Variants in TERT observed in about 807,000 individuals in gnomAD.
TERT encodes telomerase reverse transcriptase.
Under a neutral mutation model 104.0 loss-of-function variants are expected in TERT, and 42 were observed. That is an observed-to-expected ratio of 0.40 (90% CI 0.32 to 0.52). The LOEUF is 0.52. TERT is among the 20% of genes least tolerant of loss of function. The pLI is 0.43. For synonymous variants in TERT, 781 were observed against 725.6 expected (o/e 1.08, Z -1.23); for missense variants, 1,101 against 1,610.3 (o/e 0.68, Z 5.41).
At position 1,285,917 on chromosome 5, in the gene TERT, G is replaced by A. The variant is rs112290073; in HGVS notation, c.1574-3293C>T. On this transcript the variant is annotated intron_variant, in intron 2 of 15. Transcript: ENST00000310581. The stretch of plus-strand genomic sequence containing the variant: ...GGCTCACGTCATGCTCCTGTTGGGC[G>A]ACAACGGCTCGGAGCCTCATCCTTT... Among the ~76,000 whole-genome samples the A allele has an allele frequency of 7.9e-3, 1,194 of 152,022 alleles. 9 individuals are homozygous for A. The highest frequency in any genetic ancestry group is 0.014 in the Middle Eastern group (4 of 294).
chr5:1,271,103 T>C lies in TERT; in HGVS notation c.2468+16A>G, dbSNP rs765076864. On this transcript the variant is annotated intron_variant, in intron 8 of 15. Coordinates refer to ENST00000310581, the MANE Select transcript of TERT (RefSeq NM_198253.3). ...CAGCCACCCGCAGGGCAATGGCACC[T>C]GGCCACCTGACTCACTTGCCCCTGA... 3.1e-6 allele frequency: 5 copies of C among 1,610,578 alleles called. No individual in the cohort carries two copies. In the African/African-American group the frequency reaches 6.7e-5, roughly 22 times the overall value.
Position 1,293,934 on chromosome 5 carries a change from C to A in TERT, c.952G>T (p.Asp318Tyr), listed in dbSNP as rs1272682886. The A allele has an allele frequency of 6.5e-7, 1 of 1,544,478 alleles. No homozygotes were observed. Among genetic ancestry groups the A allele is most frequent in the Non-Finnish European group, 8.7e-7 (1 of 1,148,020 alleles). The change falls in exon 2 of 16, where the codon GAC becomes TAC. Residue 318 changes from aspartate to tyrosine, a missense_variant. By Grantham distance (160) the Asp-to-Tyr change is radical. This residue lies in a region of TERT where 504 missense variants were observed against 544.6 expected (regional missense o/e 0.93). Coordinates refer to ENST00000310581, the MANE Select transcript of TERT (RefSeq NM_198253.3). ...PSTSRPPRPW[D>Y]TPCPPVYAET... ...GCGTACACCGGGGGACAAGGCGTGTCCCAGGGACGTGGTGGCCGCGATGTG... is the reference window on the plus strand; with the variant it reads ...GCGTACACCGGGGGACAAGGCGTGTACCAGGGACGTGGTGGCCGCGATGTG...
intron 11 of TERT, 91 bp downstream of exon 11, chr5:1,264,313 C>T: frequency 2.9e-6 from 4 of 1,392,310 alleles, no homozygotes; most frequent in Non-Finnish European, 3.9e-6. Context: ...CAGTCGCCTG[C>T]CCCACACGGA....
At chr5:1,272,619 CCACGACCGCCAT>C in intron 6 of TERT, among the ~76,000 whole-genome samples, 2 of 32,714 alleles carry the variant, frequency 6.1e-5, no homozygotes, top group African/African-American at 4.6e-4. Context: ...ACATCAGACC[CCACGACCGCCAT>C]CCACAGTCAC....
At position 1,262,552 on chromosome 5, in the gene TERT, G is replaced by A. The variant is rs34653167; in HGVS notation, c.2843+1852C>T. ...GATGTGAGTTCACCCTGAGTATGGC[G>A]AACCACTGCCTCCACTGCTGAGCTT... On this transcript the variant is annotated intron_variant, in intron 11 of 15. Transcript: ENST00000310581. The surrounding 1 kb of genome is among the most constrained non-coding windows in gnomAD (Gnocchi z 5.6). 4.9e-3 allele frequency among the ~76,000 whole-genome samples: 746 copies of A among 152,258 alleles called. 5 individuals carry two copies. The highest frequency in any genetic ancestry group is 0.017 in the African/African-American group (714 of 41,536).
rs1747698824 is a variant in TERT at position 1,255,924 on chromosome 5, T to C, written c.3033-513A>G. ...GATGGTGTGAGGACCCATCATCTCATCTCACTGACACCGAGACACCGACTT... is the reference window on the plus strand; with the variant it reads ...GATGGTGTGAGGACCCATCATCTCACCTCACTGACACCGAGACACCGACTT... On this transcript the variant is annotated intron_variant, in intron 13 of 15. Coordinates refer to ENST00000310581, the MANE Select transcript of TERT (RefSeq NM_198253.3). The surrounding 1 kb of genome is among the most constrained non-coding windows in gnomAD (Gnocchi z 6.9). Among the ~76,000 whole-genome samples, 3 of 152,102 alleles carry C rather than the reference T, an allele frequency of 2.0e-5. No individual in the cohort carries two copies. Among genetic ancestry groups the C allele is most frequent in the Admixed American group, 2.0e-4 (3 of 15,280 alleles).
At chr5:1,284,021 G>A (rs563711355) in intron 2 of TERT, among the ~76,000 whole-genome samples, 76 of 139,120 alleles carry the variant, frequency 5.5e-4, no homozygotes, top group Non-Finnish European at 9.9e-4. Flanking sequence ...AGGGCCTGGC[G>A]ACCTCACCCC....
intron 6 of TERT, among the ~76,000 whole-genome samples, 155 bp downstream of exon 6, chr5:1,278,483 GCAC>G (rs369910369): frequency 4.5e-4 from 69 of 151,666 alleles, no homozygotes; most frequent in Middle Eastern, 3.4e-3. Context: ...ACAGATACAT[GCAC>G]CACGACACAC....
Position 1,286,757 on chromosome 5 carries a change from A to T in TERT, c.1574-4133T>A, listed in dbSNP as rs1468447954. Among the ~76,000 whole-genome samples the T allele has an allele frequency of 1.3e-5, 2 of 152,130 alleles. No individual in the cohort carries two copies. The highest frequency in any genetic ancestry group is 2.9e-5 in the Non-Finnish European group (2 of 68,020). ...GCCAGGCGTGGTGGTGGGCGCCTGT[A>T]ATCCCAGCTACTCATGAGGTTGAGG... On this transcript the variant is annotated intron_variant, in intron 2 of 15. Transcript: ENST00000310581. The surrounding 1 kb of genome is among the most constrained non-coding windows in gnomAD (Gnocchi z 5.3).
At chr5:1,284,860 AC>A (rs1277528111) in intron 2 of TERT, among the ~76,000 whole-genome samples, 2 of 138,424 alleles carry the variant, frequency 1.4e-5, no homozygotes, top group African/African-American at 2.7e-5. Context: ...AGCTCACCGC[AC>A]GGTCTGGCAC....
At position 1,264,421 on chromosome 5, in the gene TERT, C is replaced by T. The variant is rs1476614975; in HGVS notation, c.2826G>A (p.Val942=). The T allele has an allele frequency of 2.5e-6, 4 of 1,613,126 alleles. No individual in the cohort carries two copies. Among genetic ancestry groups the T allele is most frequent in the South Asian group, 1.1e-5 (1 of 91,052 alleles). ...GLLLDTRTLE[V]QSDYSSYART... is the part of the protein sequence containing the mutation. ...GCGCTCACCTGGAGTAGTCGCTCTG[C>T]ACCTCCAGGGTCCGGGTATCCAGCA... Residue 942 remains valine (V), a synonymous_variant, in exon 11 of 16, where the codon GTG becomes GTA. Coordinates refer to ENST00000310581, the MANE Select transcript of TERT (RefSeq NM_198253.3).
chr5:1,272,054 C>T (rs1579564568), intron 7 of TERT, 131 bp downstream of exon 7: 2 of 814,136 alleles, frequency 2.5e-6, no homozygotes, highest in African/African-American at 1.7e-5. Flanking sequence ...GCTCATCATG[C>T]CCCCATCACA....
At chr5:1,272,554 C>CTGT (rs1561197974) in intron 6 of TERT, among the ~76,000 whole-genome samples, 4 of 120,128 alleles carry the variant, frequency 3.3e-5, no homozygotes, top group Non-Finnish European at 5.2e-5. Context: ...TCAGACCCCA[C>CTGT]GACCGCCATC....
Position 1,293,907 on chromosome 5 carries a change from C to G in TERT, c.979G>C (p.Glu327Gln), listed in dbSNP as rs371457181. 3 of 1,541,718 alleles carry G rather than the reference C, an allele frequency of 1.9e-6. No individual in the cohort carries two copies. The African/African-American group carries it at 4.1e-5, about 21-fold the overall frequency. ...WDTPCPPVYA[E>Q]TKHFLYSSGD... is the part of the protein sequence containing the mutation. ...GAGGAGTAGAGGAAGTGCTTGGTCT[C>G]GGCGTACACCGGGGGACAAGGCGTG... is the stretch of plus-strand genomic sequence containing the variant. Residue 327 changes from glutamate (E) to glutamine (Q), a missense_variant, in exon 2 of 16, where the codon GAG becomes CAG. This residue lies in a region of TERT where 504 missense variants were observed against 544.6 expected (regional missense o/e 0.93). Coordinates refer to ENST00000310581, the MANE Select transcript of TERT (RefSeq NM_198253.3).
chr5:1,259,997 G>A (rs1477870807), intron 12 of TERT, among the ~76,000 whole-genome samples: 1 of 152,116 alleles, frequency 6.6e-6, no homozygotes, highest in Non-Finnish European at 1.5e-5. Context: ...GAGAGGGAGT[G>A]GACGCGGATG....
At position 1,261,094 on chromosome 5, in the gene TERT, G is replaced by T. The variant is rs558481065; in HGVS notation, c.2844-494C>A. Among the ~76,000 whole-genome samples the T allele has an allele frequency of 1.6e-4, 24 of 152,262 alleles. No individual in the cohort carries two copies. The South Asian group carries it at 5.0e-3, about 32-fold the overall frequency. On this transcript the variant is annotated intron_variant, in intron 11 of 15. Transcript: ENST00000310581. The surrounding 1 kb of genome is among the most constrained non-coding windows in gnomAD (Gnocchi z 7.4). ...AGTGAGTGCACGTGGCACACATGGT[G>T]TCTCCAGAGGGGCAGGATGGAGGCA...
At chr5:1,291,284 A>G (rs1288494476) in intron 2 of TERT, among the ~76,000 whole-genome samples, 4 of 62,446 alleles carry the variant, frequency 6.4e-5, no homozygotes, top group South Asian at 9.7e-4. Flanking sequence ...CACTCACCCT[A>G]CACCTGGGAG....
chr5:1,265,692 G>C lies in TERT; in HGVS notation c.2654+772C>G, dbSNP rs2126598639. 6.6e-6 allele frequency among the ~76,000 whole-genome samples: 1 copy of C among 152,150 alleles called. No homozygotes were observed. The highest frequency in any genetic ancestry group is 1.5e-5 in the Non-Finnish European group (1 of 67,998). Reference sequence around the variant, plus strand: ...TGGACTTGGAGGGCGGGTCCAAATGGGTTTTCACAAACACAGCCCAGCAAA... The same window carrying C: ...TGGACTTGGAGGGCGGGTCCAAATGCGTTTTCACAAACACAGCCCAGCAAA... On this transcript the variant is annotated intron_variant, in intron 10 of 15. Coordinates refer to ENST00000310581, the MANE Select transcript of TERT (RefSeq NM_198253.3). This position sits in a 1 kb window ranked among gnomAD's most constrained non-coding sequence, Gnocchi z 6.9.
chr5:1,260,494 T>C lies in TERT; in HGVS notation c.2950A>G (p.Ser984Gly). 1 of 1,614,138 alleles carries C rather than the reference T, an allele frequency of 6.2e-7. No individual in the cohort carries two copies. Among genetic ancestry groups the C allele is most frequent in the Non-Finnish European group, 8.5e-7 (1 of 1,179,998 alleles). Residue 984 changes from serine to glycine, a missense_variant, in exon 12 of 16, where the codon AGC becomes GGC. This residue lies in a region of TERT where 463 missense variants were observed against 797.5 expected (regional missense o/e 0.58). Coordinates refer to ENST00000310581, the MANE Select transcript of TERT (RefSeq NM_198253.3). ...LFGVLRLKCH[S>G]LFLDLQVNSL... Reference sequence around the variant, plus strand: ...CTCACCTGCAAATCCAGAAACAGGCTGTGACACTTCAGCCGCAAGACCCCA... The same window carrying C: ...CTCACCTGCAAATCCAGAAACAGGCCGTGACACTTCAGCCGCAAGACCCCA...
Sources: allele counts gnomAD v4.1 joint callset (sites outside exome capture counted in the v4.1 genomes callset), GRCh38; gene constraint gnomAD v4.1.1; regional missense constraint gnomAD v4.1.1; non-coding constraint Gnocchi (gnomAD v3.1); transcripts MANE v1.5; gene names NCBI Gene and HGNC (gene_info 2026-07-23, HGNC 2026-07-21).